TCF12: variants seen among roughly 807,000 people sequenced by gnomAD.
TCF12 encodes DNA-binding protein HTF4.
A neutral mutation model predicts 86.0 loss-of-function variants in TCF12; 45 were observed. The observed-to-expected ratio is 0.52, with a 90% CI of 0.41 to 0.67. The LOEUF (loss-of-function observed/expected upper bound fraction) is 0.67, where lower values mean the gene tolerates loss of function less well. TCF12 is among the 30% of genes least tolerant of loss of function. The pLI, the probability that TCF12 is intolerant of heterozygous loss-of-function variation, is 0.00. For synonymous variants in TCF12, 330 were observed against 299.6 expected, an observed-to-expected ratio of 1.10 and a Z score of -1.05; for missense variants, 881 against 859.9, an observed-to-expected ratio of 1.02 and a Z score of -0.31.
intron 5 of TCF12, among the ~76,000 whole-genome samples, chr15:57,127,448 C>T (rs1400333921): frequency 1.3e-5 from 2 of 152,048 alleles, no homozygotes; most frequent in African/African-American, 4.8e-5. Context: ...TAAAGGCAAC[C>T]TATAATAGAG....
chr15:57,074,359 TTAAAAA>T lies in TCF12; in HGVS notation c.222+10537_222+10542del, dbSNP rs1446864708. On this transcript the variant is annotated intron_variant, in intron 4 of 20. Coordinates refer to ENST00000333725, the MANE Select transcript of TCF12 (RefSeq NM_207037.2). ...ATGAGAAATTTCATGCCCATTTTGA[TTAAAAA>T]AAAAAAAAAAAAAAAGATGTTAGGA... is the stretch of plus-strand genomic sequence containing the variant. 8.2e-5 allele frequency among the ~76,000 whole-genome samples: 8 copies of T among 97,016 alleles called. 1 individual carries two copies. Among genetic ancestry groups the T allele is most frequent in the South Asian group, 6.1e-4 (2 of 3,256 alleles). The allele number at this position is 97,016 out of a possible 152,430, so 63.6% of individuals were successfully genotyped here.
intron 5 of TCF12, among the ~76,000 whole-genome samples, chr15:57,117,736 A>C (rs2050942249): frequency 6.6e-6 from 1 of 152,190 alleles, no homozygotes; most frequent in African/African-American, 2.4e-5. Flanking sequence ...CATTTCCCCC[A>C]ACTTTGGATG....
intron 8 of TCF12, among the ~76,000 whole-genome samples, chr15:57,218,086 C>T (rs755517821): frequency 1.4e-4 from 21 of 152,084 alleles, no homozygotes; most frequent in Admixed American, 2.6e-4. Context: ...GATTTAGTTT[C>T]GTTACTATAA....
chr15:57,011,076 A>G (rs948435762), intron 3 of TCF12, among the ~76,000 whole-genome samples: 3 of 152,216 alleles, frequency 2.0e-5, no homozygotes, highest in Admixed American at 2.0e-4. Flanking sequence ...AAAATGGTTC[A>G]TAAGAATTTT....
At chr15:56,922,171 G>T (rs1257744560) in intron 3 of TCF12, among the ~76,000 whole-genome samples, 4 of 152,036 alleles carry the variant, frequency 2.6e-5, no homozygotes, top group South Asian at 2.1e-4. Context: ...AGTTGTAGAA[G>T]ATGGCTGTAT....
intron 18 of TCF12, among the ~76,000 whole-genome samples, chr15:57,270,538 A>G (rs1022258774): frequency 6.6e-6 from 1 of 152,104 alleles, no homozygotes; most frequent in Non-Finnish European, 1.5e-5. Context: ...CTTTCTTATT[A>G]CCGACCTCCT....
chr15:57,257,679 G>GTATATATATATATA (rs55834033), intron 16 of TCF12, among the ~76,000 whole-genome samples: 1 of 140,344 alleles, frequency 7.1e-6, no homozygotes, highest in African/African-American at 2.7e-5. Flanking sequence ...AAAAAAAAGT[G>GTATATATATATATA]TATATATATA....
At chr15:57,016,797 A>C (rs1257496160) in intron 3 of TCF12, among the ~76,000 whole-genome samples, 3 of 152,096 alleles carry the variant, frequency 2.0e-5, no homozygotes, top group Non-Finnish European at 4.4e-5. Context: ...GAAAGTAGAC[A>C]TAGTTTCTCC....
At chr15:57,240,902 G>GCC (rs2059595138) in intron 12 of TCF12, among the ~76,000 whole-genome samples, 2 of 98,764 alleles carry the variant, frequency 2.0e-5, no homozygotes, top group African/African-American at 6.3e-5. Context: ...AAAAAAAAAA[G>GCC]AAAGGGAAAA....
intron 13 of TCF12, among the ~76,000 whole-genome samples, chr15:57,250,197 A>G (rs996456285): frequency 1.8e-4 from 28 of 152,230 alleles, no homozygotes; most frequent in African/African-American, 6.8e-4. Flanking sequence ...CAGTCATGGG[A>G]AATTCATTCA....
chr15:56,947,301 G>A (rs577638289), intron 3 of TCF12, among the ~76,000 whole-genome samples: 1 of 152,198 alleles, frequency 6.6e-6, no homozygotes, highest in Admixed American at 6.5e-5. Context: ...GTTTTACTGT[G>A]TGTGTGTGTG....
At chr15:57,088,206 A>C (rs1380179646) in intron 4 of TCF12, among the ~76,000 whole-genome samples, 1 of 152,052 alleles carries the variant, frequency 6.6e-6, no homozygotes, top group Non-Finnish European at 1.5e-5. Context: ...TTTACCTTCA[A>C]CCTATGTTCT....
In TCF12 at chr15:56,947,011, T is replaced by C. The variant is rs538087960; in HGVS notation, c.148+25913T>C. 9.9e-5 allele frequency among the ~76,000 whole-genome samples: 15 copies of C among 152,246 alleles called. No individual in the cohort carries two copies. The South Asian group carries it at 3.1e-3, about 32-fold the overall frequency. On this transcript the variant is annotated intron_variant, in intron 3 of 20. Coordinates refer to ENST00000333725, the MANE Select transcript of TCF12 (RefSeq NM_207037.2). ...CAGGGTTTCACCATGTTGGCTAGGC[T>C]GGTCTTGAACTCCTGACCTCAAGTG...
At chr15:57,040,301 G>T (rs568464651) in intron 3 of TCF12, among the ~76,000 whole-genome samples, 2 of 152,316 alleles carry the variant, frequency 1.3e-5, no homozygotes, top group African/African-American at 4.8e-5. Context: ...TATTTGTGGA[G>T]CCTATCTTGA....
intron 3 of TCF12, among the ~76,000 whole-genome samples, chr15:56,932,374 C>T (rs1039526760): frequency 2.0e-5 from 3 of 152,092 alleles, no homozygotes; most frequent in Admixed American, 2.0e-4. Flanking sequence ...GTTGTAGTTG[C>T]ACCTGCACTG....
At chr15:56,995,179 T>C (rs184618128) in intron 3 of TCF12, among the ~76,000 whole-genome samples, 1 of 149,002 alleles carries the variant, frequency 6.7e-6, no homozygotes, top group Admixed American at 6.7e-5. Flanking sequence ...TCATGCTGTT[T>C]TGGTTACTGT....
chr15:56,984,799 G>T (rs2063102372), intron 3 of TCF12, among the ~76,000 whole-genome samples: 1 of 152,088 alleles, frequency 6.6e-6, no homozygotes, highest in Non-Finnish European at 1.5e-5. Context: ...TTGGAGAAAG[G>T]CCAGACCATA....
chr15:56,953,196 C>A (rs1178662853), intron 3 of TCF12, among the ~76,000 whole-genome samples: 3 of 151,916 alleles, frequency 2.0e-5, no homozygotes, highest in Non-Finnish European at 2.9e-5. Context: ...CTCAGATAAA[C>A]CCCATGTGGC....
rs561199669 is a variant in TCF12 at position 57,251,801 on chromosome 15, ACTT to A, written c.1188+379_1188+381del. 3.5e-3 allele frequency among the ~76,000 whole-genome samples: 538 copies of A among 152,334 alleles called. 4 individuals are homozygous for A. The highest frequency in any genetic ancestry group is 0.012 in the African/African-American group (514 of 41,586). On this transcript the variant is annotated intron_variant, in intron 14 of 20. Transcript: ENST00000333725. ...AAAATTTTACCCTTTTGTATTTTAC[ACTT>A]TCTCATAATACTGTGTGTGGTTTAT...
Sources: allele counts gnomAD v4.1 joint callset (sites outside exome capture counted in the v4.1 genomes callset), GRCh38; gene constraint gnomAD v4.1.1; transcripts MANE v1.5; gene names NCBI Gene and HGNC (gene_info 2026-07-23, HGNC 2026-07-21).